ITPK1: variants seen among roughly 807,000 people sequenced by gnomAD.
ITPK1 encodes inositol 1,3,4-trisphosphate 5/6-kinase.
In ITPK1, 21 loss-of-function variants were observed where a neutral mutation model predicts 45.3. That is an observed-to-expected ratio of 0.46 (90% CI 0.33 to 0.67). The LOEUF is 0.67. ITPK1 is among the 30% of genes least tolerant of loss of function. The pLI, the probability that ITPK1 is intolerant of heterozygous loss-of-function variation, is 0.02. For synonymous variants in ITPK1, 258 were observed against 253.6 expected, an observed-to-expected ratio of 1.02 and a Z score of -0.16; for missense variants, 474 against 573.5, an observed-to-expected ratio of 0.83 and a Z score of 1.77.
chr14:93,031,439 A>T (rs1173738875), intron 3 of ITPK1, among the ~76,000 whole-genome samples: 1 of 152,224 alleles, frequency 6.6e-6, no homozygotes, highest in African/African-American at 2.4e-5. Context: ...ACAGGCTGTA[A>T]GCGCTTCATA....
intron 3 of ITPK1, among the ~76,000 whole-genome samples, chr14:93,044,018 G>A (rs923624605): frequency 3.3e-5 from 5 of 152,174 alleles, no homozygotes; most frequent in Non-Finnish European, 7.3e-5. Flanking sequence ...GGATGGCTAG[G>A]CTCTAGCCTC....
At chr14:93,098,832 G>A (rs905345920) in intron 2 of ITPK1, among the ~76,000 whole-genome samples, 7 of 152,126 alleles carry the variant, frequency 4.6e-5, no homozygotes, top group African/African-American at 7.2e-5. Flanking sequence ...CCATGCAGCC[G>A]CCTCTGAAAA....
chr14:93,054,784 ACT>A (rs1048461566), intron 3 of ITPK1, among the ~76,000 whole-genome samples: 5 of 151,324 alleles, frequency 3.3e-5, no homozygotes, highest in Admixed American at 3.3e-4. Flanking sequence ...AGAAAACAGC[ACT>A]CTCTCTGCCT....
At position 93,074,527 on chromosome 14, in the gene ITPK1, T is replaced by A. The variant is rs553490510; in HGVS notation, c.120+2068A>T. ...CAGGATCAGGCATGGGGGAAGGCTGTCTTGCCCTCTCAGGCAGTGTGTTTG... is the reference window on the plus strand; with the variant it reads ...CAGGATCAGGCATGGGGGAAGGCTGACTTGCCCTCTCAGGCAGTGTGTTTG... On this transcript the variant is annotated intron_variant, in intron 3 of 10. Coordinates refer to ENST00000267615, the MANE Select transcript of ITPK1 (RefSeq NM_014216.6). 2.6e-5 allele frequency among the ~76,000 whole-genome samples: 4 copies of A among 152,322 alleles called. No individual in the cohort carries two copies. The South Asian group carries it at 8.3e-4, about 32-fold the overall frequency.
intron 3 of ITPK1, among the ~76,000 whole-genome samples, chr14:93,037,365 A>G (rs1889368201): frequency 6.6e-6 from 1 of 152,196 alleles, no homozygotes; most frequent in Non-Finnish European, 1.5e-5. Flanking sequence ...GGTCAAACTC[A>G]CTGAAAATTC....
rs1353252001 is a variant in ITPK1 at position 93,013,313 on chromosome 14, T to C, written c.246+3363A>G. ...AACAAACAAACAAAAACAAAAAAAATCCAAAACTCTGGGGCAGTGATGAAG... is the reference window on the plus strand; with the variant it reads ...AACAAACAAACAAAAACAAAAAAAACCCAAAACTCTGGGGCAGTGATGAAG... On this transcript the variant is annotated intron_variant, in intron 4 of 10. Coordinates refer to ENST00000267615, the MANE Select transcript of ITPK1 (RefSeq NM_014216.6). Among the ~76,000 whole-genome samples, 4 of 145,398 alleles carry C rather than the reference T, an allele frequency of 2.8e-5. No homozygotes were observed. In the South Asian group the frequency reaches 8.8e-4, roughly 32 times the overall value.
At chr14:93,069,474 A>G in intron 3 of ITPK1, 1 of 154,032 alleles carries the variant, frequency 6.5e-6, no homozygotes, top group Non-Finnish European at 1.5e-5. Flanking sequence ...AGGCCATTCT[A>G]ACACCTCGCC....
At chr14:92,981,370 A>G (rs1422989203) in intron 5 of ITPK1, among the ~76,000 whole-genome samples, 2 of 152,150 alleles carry the variant, frequency 1.3e-5, no homozygotes, top group East Asian at 1.9e-4. Flanking sequence ...CGCAGCACCA[A>G]TAGCCCCCAT....
rs565259808 is a variant in ITPK1, at chr14:93,063,241, A to G, written c.120+13354T>C. Among the ~76,000 whole-genome samples, 139 of 152,266 alleles carry G rather than the reference A, an allele frequency of 9.1e-4. No individual in the cohort carries two copies. Among genetic ancestry groups the G allele is most frequent in the African/African-American group, 3.3e-3 (136 of 41,556 alleles). On this transcript the variant is annotated intron_variant, in intron 3 of 10. Transcript: ENST00000267615. The surrounding 1 kb of genome is among the most constrained non-coding windows in gnomAD (Gnocchi z 4.3). Reference sequence around the variant, plus strand: ...CGGCAAAAATACTGCCTGGGCAAGGAAGGGAGTGAGCCAAGGTCTGCCTCC... The same window carrying G: ...CGGCAAAAATACTGCCTGGGCAAGGGAGGGAGTGAGCCAAGGTCTGCCTCC...
chr14:92,948,214 G>A (rs376267237), intron 9 of ITPK1, among the ~76,000 whole-genome samples: 19 of 152,192 alleles, frequency 1.2e-4, no homozygotes, highest in Admixed American at 4.6e-4. Flanking sequence ...AGTGAGTGCC[G>A]GTGGGCCCAG....
rs147826063 is a variant in ITPK1, at chr14:92,974,591, G to C, written c.365-11742C>G. Among the ~76,000 whole-genome samples, 1,359 of 152,320 alleles carry C rather than the reference G, an allele frequency of 8.9e-3. 18 individuals carry two copies. The highest frequency in any genetic ancestry group is 0.031 in the African/African-American group (1,276 of 41,580). On this transcript the variant is annotated intron_variant, in intron 5 of 10. Transcript: ENST00000267615. ...CTACGAGCCCAGGTTCCAATCCAAGGTGCACAGTCTCAGGAGCTCCCCAGG... is the reference window on the plus strand; with the variant it reads ...CTACGAGCCCAGGTTCCAATCCAAGCTGCACAGTCTCAGGAGCTCCCCAGG...
chr14:93,020,430 A>G (rs1194262804), intron 3 of ITPK1, among the ~76,000 whole-genome samples: 1 of 152,176 alleles, frequency 6.6e-6, no homozygotes, highest in Non-Finnish European at 1.5e-5. Flanking sequence ...CAGTTTCCCC[A>G]GTCATAAAAT....
At chr14:92,981,894 C>T (rs969758823) in intron 5 of ITPK1, among the ~76,000 whole-genome samples, 4 of 152,240 alleles carry the variant, frequency 2.6e-5, no homozygotes, top group African/African-American at 9.6e-5. Flanking sequence ...CTGAGCCAAA[C>T]CCCAAAGTTG....
intron 4 of ITPK1, among the ~76,000 whole-genome samples, chr14:93,015,781 G>T (rs1332564144): frequency 1.3e-5 from 2 of 152,226 alleles, no homozygotes; most frequent in East Asian, 3.9e-4. Flanking sequence ...GGGGGGCCAA[G>T]GCGGCTGACC....
chr14:92,983,255 G>C lies in ITPK1; in HGVS notation c.364+10625C>G, dbSNP rs1029814390. Among the ~76,000 whole-genome samples the C allele has an allele frequency of 4.6e-5, 7 of 152,296 alleles. 1 individual carries two copies. Among genetic ancestry groups the C allele is most frequent in the Middle Eastern group, 3.4e-3 (1 of 294 alleles). On this transcript the variant is annotated intron_variant, in intron 5 of 10. Coordinates refer to ENST00000267615, the MANE Select transcript of ITPK1 (RefSeq NM_014216.6). ...CTCCCACTGATTTACAGCCCCTTCT[G>C]GACCCAGGCAGACGCTCACTGTCCC...
chr14:92,972,015 T>C (rs1018330656), intron 5 of ITPK1, among the ~76,000 whole-genome samples: 8 of 152,184 alleles, frequency 5.3e-5, no homozygotes, highest in African/African-American at 1.9e-4. Context: ...TCGATGTTCC[T>C]GAAGTCTGTT....
At chr14:92,956,561 C>T (rs375116069) in intron 8 of ITPK1, among the ~76,000 whole-genome samples, 8 of 152,134 alleles carry the variant, frequency 5.3e-5, no homozygotes, top group East Asian at 3.9e-4. Context: ...TTCCCAGCGT[C>T]GAGACGGAAA....
chr14:93,037,550 G>T (rs1184636436), intron 3 of ITPK1, among the ~76,000 whole-genome samples: 1 of 152,112 alleles, frequency 6.6e-6, no homozygotes, highest in African/African-American at 2.4e-5. Context: ...TGCAAGGCTG[G>T]CTCCCACTTC....
chr14:93,090,768 T>C (rs1175666331), intron 2 of ITPK1, among the ~76,000 whole-genome samples: 1 of 152,218 alleles, frequency 6.6e-6, no homozygotes, highest in African/African-American at 2.4e-5. Flanking sequence ...GAAATGTATT[T>C]TTTTTTTCTT....
Sources: gnomAD v4.1 joint callset for allele counts (sites outside exome capture counted in the v4.1 genomes callset) on GRCh38, gnomAD v4.1.1 for gene constraint, Gnocchi (gnomAD v3.1) non-coding constraint, MANE v1.5 for transcripts, NCBI Gene and HGNC (gene_info 2026-07-23, HGNC 2026-07-21) for gene names.